The following AMD1 variants were observed in gnomAD, a reference collection of about 807,000 sequenced individuals.
AMD1 encodes S-adenosylmethionine decarboxylase proenzyme.
AMD1 carries 11 observed loss-of-function variants against 40.2 expected under a neutral mutation model. That is an observed-to-expected ratio of 0.27 (90% CI 0.17 to 0.45). The LOEUF (loss-of-function observed/expected upper bound fraction) is 0.45. AMD1 is among the 20% of genes least tolerant of loss of function. The pLI is 1.00. For missense variants in AMD1, 257 were observed against 410.2 expected, an observed-to-expected ratio of 0.63 and a Z score of 3.23; for synonymous variants, 121 against 130.8, an observed-to-expected ratio of 0.93 and a Z score of 0.51.
At position 110,892,299 on chromosome 6, in the gene AMD1, G is replaced by T; in HGVS notation, c.471G>T (p.Trp157Cys). Reference protein sequence around the residue: ...YCMGRMNSDCWYLYTLDFPES... With the variant: ...YCMGRMNSDCCYLYTLDFPES... ...GGAACTATTTTTAATTTTTATTTAG[G>T]TACTTATATACTCTGGATTTCCCAG... Residue 157 changes from tryptophan (W) to cysteine (C), a missense_variant and splice_region_variant, in exon 6 of 9, where the codon TGG (tryptophan) becomes TGT (cysteine). Physicochemically the swap from Trp to Cys is radical, Grantham distance 215. Around this residue, in one of 3 missense-constraint regions of AMD1, gnomAD observed 192 missense variants for 296.5 expected, o/e 0.65. Coordinates refer to ENST00000368885, the MANE Select transcript of AMD1 (RefSeq NM_001634.6). 1 of 1,613,748 alleles carries T rather than the reference G, an allele frequency of 6.2e-7. No individual in the cohort carries two copies. Among genetic ancestry groups the T allele is most frequent in the Non-Finnish European group, 8.5e-7 (1 of 1,179,972 alleles).
chr6:110,814,941 C>G, the AMD1 span: 11 of 1,590,900 alleles, frequency 6.9e-6, no homozygotes, highest in Admixed American at 1.9e-4. Flanking sequence ...ATCCGACCCA[C>G]CCATCCCGCC....
In AMD1 at chr6:110,892,724, T is replaced by TTC. The variant is rs1554237996; in HGVS notation, c.616-11_616-10insTC. ...AAACCCTTGTTAAACTCGGTCTTTT[T>TTC]CCCCCCCCAGGAGAGTGGAATTCGT... On this transcript the variant is annotated splice_polypyrimidine_tract_variant and intron_variant, in intron 6 of 8. Transcript: ENST00000368885. 3.7e-3 allele frequency: 5,702 copies of TTC among 1,541,258 alleles called. 13 individuals are homozygous for TTC. The highest frequency in any genetic ancestry group is 4.7e-3 in the Non-Finnish European group (5,272 of 1,125,358).
chr6:110,871,851 C>T (rs954324717), upstream of AMD1, among the ~76,000 whole-genome samples: 3 of 152,232 alleles, frequency 2.0e-5, no homozygotes, highest in South Asian at 6.2e-4. Flanking sequence ...ATACTATGGG[C>T]AGGTCATAAA....
At chr6:110,836,248 A>T in the AMD1 span, among the ~76,000 whole-genome samples, 1 of 152,246 alleles carries the variant, frequency 6.6e-6, no homozygotes, top group South Asian at 2.1e-4. Context: ...ACAACAAAAA[A>T]TCAATGCTCA....
At chr6:110,824,016 T>C in the AMD1 span, among the ~76,000 whole-genome samples, 1 of 152,180 alleles carries the variant, frequency 6.6e-6, no homozygotes, top group Non-Finnish European at 1.5e-5. Flanking sequence ...TGGAGAATTC[T>C]CAAAGAACTA....
At chr6:110,846,241 C>G in the AMD1 span, among the ~76,000 whole-genome samples, 1 of 151,754 alleles carries the variant, frequency 6.6e-6, no homozygotes, top group African/African-American at 2.4e-5. Context: ...TCTCAAACAA[C>G]AACAACAACA....
chr6:110,859,612 T>G, the AMD1 span, among the ~76,000 whole-genome samples: 1 of 152,258 alleles, frequency 6.6e-6, no homozygotes, highest in South Asian at 2.1e-4. Context: ...GAGAGGGTGC[T>G]GGGAAATGAG....
intron 1 of AMD1, among the ~76,000 whole-genome samples, chr6:110,885,709 TA>T (rs1325759362): frequency 1.3e-5 from 2 of 152,224 alleles, no homozygotes; most frequent in African/African-American, 2.4e-5. Flanking sequence ...GTAGCTCTTT[TA>T]AAAAAGTTGC....
At chr6:110,857,944 T>TC in the AMD1 span, among the ~76,000 whole-genome samples, 8 of 151,710 alleles carry the variant, frequency 5.3e-5, no homozygotes, top group African/African-American at 1.9e-4. Flanking sequence ...AAGCTGTCCT[T>TC]CCCCCTCAGC....
At chr6:110,858,916 C>T in the AMD1 span, 10 of 909,642 alleles carry the variant, frequency 1.1e-5, no homozygotes, top group Non-Finnish European at 1.5e-5. Flanking sequence ...CTCCGGGACC[C>T]GGTTGACACC....
At chr6:110,879,950 T>G (rs1328808106) in intron 1 of AMD1, among the ~76,000 whole-genome samples, 1 of 152,104 alleles carries the variant, frequency 6.6e-6, no homozygotes, top group African/African-American at 2.4e-5. Flanking sequence ...GGGATCCTTC[T>G]GTATTTAAGT....
chr6:110,889,507 G>A (rs953474893), intron 3 of AMD1: 1 of 152,422 alleles, frequency 6.6e-6, no homozygotes, highest in Non-Finnish European at 1.5e-5. Flanking sequence ...GCAATAGCAC[G>A]ATCTCAGCTC....
At chr6:110,832,684 AC>A in the AMD1 span, among the ~76,000 whole-genome samples, 2 of 152,006 alleles carry the variant, frequency 1.3e-5, no homozygotes, top group East Asian at 3.8e-4. Context: ...ACTTATCACC[AC>A]TCAGAATAGT....
At chr6:110,843,324 C>T in the AMD1 span, among the ~76,000 whole-genome samples, 5 of 150,486 alleles carry the variant, frequency 3.3e-5, no homozygotes, top group East Asian at 2.0e-4. Context: ...ATTAGCTGGG[C>T]GCAGTGGTGC....
At chr6:110,858,312 A>G in the AMD1 span, 1 of 838,986 alleles carries the variant, frequency 1.2e-6, no homozygotes, top group Non-Finnish European at 2.0e-6. Flanking sequence ...CTCCTGTGCA[A>G]ATATGACCCC....
At chr6:110,873,680 G>C (rs1301202002), upstream of AMD1, among the ~76,000 whole-genome samples, 1 of 152,096 alleles carries the variant, frequency 6.6e-6, no homozygotes, top group African/African-American at 2.4e-5. Context: ...TTTGTTACCA[G>C]TTTTGCCATC....
At position 110,874,963 on chromosome 6, in the gene AMD1, A is replaced by G; in HGVS notation, c.-143A>G. 1.6e-6 allele frequency: 1 copy of G among 623,120 alleles called. No homozygotes were observed. Among genetic ancestry groups the G allele is most frequent in the African/African-American group, 1.9e-5 (1 of 54,026 alleles). The allele number at this position is 623,120 out of a possible 1,614,324, so 38.6% of individuals were successfully genotyped here. On this transcript the variant is annotated 5_prime_UTR_variant, in exon 1 of 9. The change creates a new upstream start codon in the 5' untranslated region. Coordinates refer to ENST00000368885, the MANE Select transcript of AMD1 (RefSeq NM_001634.6). Reference sequence around the variant, plus strand: ...AGTCCTTTTTTTAAAAAAAGTTAATATAAAATTATAGCAAAAAAAAAAAGG... The same window carrying G: ...AGTCCTTTTTTTAAAAAAAGTTAATGTAAAATTATAGCAAAAAAAAAAAGG...
intron 3 of AMD1, 83 bp downstream of exon 3, chr6:110,889,066 A>T: frequency 6.7e-7 from 1 of 1,502,072 alleles, no homozygotes; most frequent in Non-Finnish European, 9.0e-7. Flanking sequence ...ATAAATTTAT[A>T]TACTTACTGC....
chr6:110,891,312 T>C (rs1253792038), intron 4 of AMD1: 1 of 152,246 alleles, frequency 6.6e-6, no homozygotes, highest in Non-Finnish European at 1.5e-5. Context: ...GTTCTTAACA[T>C]ACAGATCATA....
Sources: allele counts gnomAD v4.1 joint callset (sites outside exome capture counted in the v4.1 genomes callset), GRCh38; gene constraint gnomAD v4.1.1; regional missense constraint gnomAD v4.1.1; transcripts MANE v1.5; gene names NCBI Gene and HGNC (gene_info 2026-07-23, HGNC 2026-07-21).